Variants in TMPRSS11B observed in about 807,000 individuals in gnomAD.
TMPRSS11B encodes the protein transmembrane protease serine 11B.
A neutral mutation model predicts 44.7 loss-of-function variants in TMPRSS11B; 53 were observed. The observed-to-expected ratio is 1.19, with a 90% confidence interval of 0.95 to 1.49. TMPRSS11B has a LOEUF of 1.49. TMPRSS11B is among the 40% of genes most tolerant of loss of function. The pLI is 0.00. For synonymous variants in TMPRSS11B, 140 were observed against 159.2 expected (o/e 0.88, Z 0.91); for missense variants, 526 against 494.8 (o/e 1.06, Z -0.60).
rs537766469 is a variant in TMPRSS11B, at chr4:68,236,079, G to GA, written c.241-11dup. On this transcript the variant is annotated splice_polypyrimidine_tract_variant and intron_variant, in intron 3 of 9. Transcript: ENST00000332644. ...GAAATGCATTTAACATCTGACAAGA[G>GA]AAAAAAAACAGTCATCATGTATGTT... 774 of 1,580,974 alleles carry GA rather than the reference G, an allele frequency of 4.9e-4. 7 individuals are homozygous for GA. Among genetic ancestry groups the GA allele is most frequent in the South Asian group, 3.4e-3 (287 of 84,662 alleles).
At position 68,234,601 on chromosome 4, in the gene TMPRSS11B, C is replaced by T. The variant is rs774398452; in HGVS notation, c.331G>A (p.Val111Met). The change falls in exon 5 of 10, where the codon GTG becomes ATG. Residue 111 changes from valine to methionine, a missense_variant. Coordinates refer to ENST00000332644, the MANE Select transcript of TMPRSS11B (RefSeq NM_182502.3). ...KLLPNANGSN[V>M]QLQLKFKFPP... Reference sequence around the variant, plus strand: ...AACTTGAATTTCAGCTGTAACTGCACATTTGAACCATTGGCATTAGGCCTA... The same window carrying T: ...AACTTGAATTTCAGCTGTAACTGCATATTTGAACCATTGGCATTAGGCCTA... 3.1e-6 allele frequency: 5 copies of T among 1,613,888 alleles called. No homozygotes were observed. The highest frequency in any genetic ancestry group is 3.4e-6 in the Non-Finnish European group (4 of 1,179,918).
rs747575809 is a variant in TMPRSS11B, at chr4:68,245,600, A to T, written c.-42T>A. On this transcript the variant is annotated 5_prime_UTR_variant, in exon 1 of 10. Transcript: ENST00000332644. ...TGGCAGTATCAGGTATAACGGTGGTAATGATGATGACGAAGATAACGATAA... is the reference window on the plus strand; with the variant it reads ...TGGCAGTATCAGGTATAACGGTGGTTATGATGATGACGAAGATAACGATAA... 3.7e-6 allele frequency: 6 copies of T among 1,608,646 alleles called. No individual in the cohort carries two copies. In the East Asian group the frequency reaches 1.1e-4, roughly 30 times the overall value.
chr4:68,240,981 C>T (rs1560444810), intron 2 of TMPRSS11B, among the ~76,000 whole-genome samples: 1 of 152,058 alleles, frequency 6.6e-6, no homozygotes, highest in Admixed American at 6.6e-5. Flanking sequence ...CTTGTGGTAT[C>T]AAGCAAGTCA....
At chr4:68,235,614 T>C (rs1313683903) in intron 4 of TMPRSS11B, among the ~76,000 whole-genome samples, 2 of 152,190 alleles carry the variant, frequency 1.3e-5, no homozygotes, top group African/African-American at 2.4e-5. Context: ...AGGATGTTTT[T>C]AGGGAAGGTA....
chr4:68,237,720 TA>T (rs1483712968), intron 2 of TMPRSS11B, among the ~76,000 whole-genome samples: 2 of 152,164 alleles, frequency 1.3e-5, no homozygotes, highest in Non-Finnish European at 2.9e-5. Context: ...ACAAGCCTCT[TA>T]AAAATAGGAA....
At position 68,241,793 on chromosome 4, in the gene TMPRSS11B, G is replaced by A. The variant is rs756432574; in HGVS notation, c.20C>T (p.Ser7Phe). 6 of 1,611,876 alleles carry A rather than the reference G, an allele frequency of 3.7e-6. No individual in the cohort carries two copies. In the Admixed American group the frequency reaches 1.0e-4, roughly 27 times the overall value. Residue 7 changes from serine (S) to phenylalanine (F), a missense_variant, in exon 2 of 10, where the codon TCT (serine) becomes TTT (phenylalanine). Coordinates refer to ENST00000332644, the MANE Select transcript of TMPRSS11B (RefSeq NM_182502.3). MYRHGISSQRSWPLWTT... is the reference protein window; with the variant it reads MYRHGIFSQRSWPLWTT... Reference sequence around the variant, plus strand: ...CCATAGTGGCCAAGATCTTTGGGAAGATATGCCGTGCCTATGAAAGAGGAA... The same window carrying A: ...CCATAGTGGCCAAGATCTTTGGGAAAATATGCCGTGCCTATGAAAGAGGAA...
rs192787018 is a variant in TMPRSS11B at position 68,230,632 on chromosome 4, C to T, written c.686+571G>A. On this transcript the variant is annotated intron_variant, in intron 7 of 9. Transcript: ENST00000332644. ...CAGCCTGACTAACATGGTAAAACCC[C>T]GTCTCTACTAAAAATACAAGAATTA... 2.6e-3 allele frequency among the ~76,000 whole-genome samples: 392 copies of T among 152,102 alleles called. 4 individuals carry two copies. Among genetic ancestry groups the T allele is most frequent in the African/African-American group, 9.1e-3 (376 of 41,494 alleles).
chr4:68,234,228 C>G (rs1719597484), intron 5 of TMPRSS11B, among the ~76,000 whole-genome samples: 1 of 151,954 alleles, frequency 6.6e-6, no homozygotes, highest in African/African-American at 2.4e-5. Flanking sequence ...AATAGCCAAA[C>G]CCTTCCAAAC....
intron 1 of TMPRSS11B, among the ~76,000 whole-genome samples, chr4:68,242,384 A>T (rs1234105766): frequency 5.5e-5 from 3 of 54,680 alleles, no homozygotes; most frequent in African/African-American, 7.1e-5. Context: ...TTATATATAT[A>T]ATATATAATA....
intron 1 of TMPRSS11B, among the ~76,000 whole-genome samples, chr4:68,243,335 C>T (rs1401138767): frequency 6.6e-6 from 1 of 152,080 alleles, no homozygotes; most frequent in African/African-American, 2.4e-5. Flanking sequence ...TAGGTAGATA[C>T]ATTTTTGTTT....
At chr4:68,233,714 T>C (rs574352688) in intron 5 of TMPRSS11B, among the ~76,000 whole-genome samples, 9 of 152,220 alleles carry the variant, frequency 5.9e-5, no homozygotes, top group African/African-American at 2.2e-4. Flanking sequence ...TCCAGACAAT[T>C]TTTTTCTTTA....
In TMPRSS11B at chr4:68,236,225, C is replaced by A. The variant is rs763601427; in HGVS notation, c.166G>T (p.Val56Phe). 2 of 1,611,884 alleles carry A rather than the reference C, an allele frequency of 1.2e-6. No homozygotes were observed. The highest frequency in any genetic ancestry group is 1.7e-6 in the Non-Finnish European group (2 of 1,179,012). Reference protein sequence around the residue: ...YYQGDFHISGVTYNDNCENAA... With the variant: ...YYQGDFHISGFTYNDNCENAA... ...TTTTCACAATTATCATTGTATGTGA[C>A]TCCAGAAATATGAAAATCACCTTGA... The change falls in exon 3 of 10, where the codon GTC (valine) becomes TTC (phenylalanine). Residue 56 changes from valine (V) to phenylalanine (F), a missense_variant. Transcript: ENST00000332644.
In TMPRSS11B at chr4:68,245,407, C is replaced by G. The variant is rs531532980; in HGVS notation, c.8+144G>C. The G allele has an allele frequency of 2.9e-4, 259 of 904,910 alleles. 3 individuals are homozygous for G. The South Asian group carries it at 3.7e-3, about 13-fold the overall frequency. 56.1% of individuals were successfully genotyped at this position (904,910 alleles called of 1,614,324 possible). On this transcript the variant is annotated intron_variant, in intron 1 of 9. Coordinates refer to ENST00000332644, the MANE Select transcript of TMPRSS11B (RefSeq NM_182502.3). ...CCAGAGACTTCAAAGGGTCTGTAGA[C>G]CTCAGACAATAGAGTGTTTCTTAAC...
In TMPRSS11B at chr4:68,229,406, C is replaced by T. The variant is rs369199262; in HGVS notation, c.797G>A (p.Gly266Glu). Residue 266 changes from glycine (G) to glutamate (E), a missense_variant, in exon 8 of 10, where the codon GGG (glycine) becomes GAG (glutamate). By Grantham distance (98) the Gly-to-Glu change is moderately conservative. Transcript: ENST00000332644. The part of the protein sequence containing the change: ...IIFHENYSSP[G>E]LHDDIALVQL... ...CACAAGGGCAATATCATCATGAAGC[C>T]CAGGACTGCTATAATTTTCATGAAA... 1.4e-5 allele frequency: 22 copies of T among 1,613,792 alleles called. No individual in the cohort carries two copies. The highest frequency in any genetic ancestry group is 1.6e-5 in the Non-Finnish European group (19 of 1,179,960).
chr4:68,243,629 A>G (rs560078177), intron 1 of TMPRSS11B, among the ~76,000 whole-genome samples: 285 of 152,256 alleles, frequency 1.9e-3, no homozygotes, highest in African/African-American at 6.4e-3. Context: ...TTAATACAGT[A>G]TTTATAACTT....
intron 7 of TMPRSS11B, 23 bp downstream of exon 7, chr4:68,231,180 T>C (rs765074444): frequency 1.9e-6 from 3 of 1,588,774 alleles, no homozygotes; most frequent in Non-Finnish European, 2.6e-6. Context: ...GCATCCTTCA[T>C]TTAGTCAAAT....
At chr4:68,242,271 A>AATATT (rs1341278748) in intron 1 of TMPRSS11B, among the ~76,000 whole-genome samples, 4 of 73,996 alleles carry the variant, frequency 5.4e-5, no homozygotes, top group South Asian at 2.8e-4. Flanking sequence ...TATATAATAT[A>AATATT]ATATTATATA....
chr4:68,231,165 A>G (rs1719502054), intron 7 of TMPRSS11B, 38 bp downstream of exon 7: 2 of 1,566,868 alleles, frequency 1.3e-6, no homozygotes. Flanking sequence ...ATAGTTTTGC[A>G]CCTAGCATCC....
At chr4:68,234,684 A>C in intron 4 of TMPRSS11B, 61 bp from the exon 5 acceptor site, 1 of 1,529,650 alleles carries the variant, frequency 6.5e-7, no homozygotes. Context: ...TTTTGTGAAC[A>C]CATTAAATTT....
Sources: gnomAD v4.1 joint callset for allele counts (sites outside exome capture counted in the v4.1 genomes callset) on GRCh38, gnomAD v4.1.1 for gene constraint, MANE v1.5 for transcripts, NCBI Gene and HGNC (gene_info 2026-07-23, HGNC 2026-07-21) for gene names.